The following OOSP3 variants were observed in gnomAD, a reference collection of about 807,000 sequenced individuals.
OOSP3 encodes oocyte secreted protein family member 3, also known as oocyte-secreted protein 3.
intron 2 of OOSP3, among the ~76,000 whole-genome samples, chr11:59,884,384 A>G (rs1853229524): frequency 1.3e-5 from 2 of 148,438 alleles, no homozygotes; most frequent in African/African-American, 5.0e-5. Context: ...CATGCTTATT[A>G]GTTGTAATAG....
chr11:59,895,767 G>T (rs1853350709), intron 4 of OOSP3, 115 bp downstream of exon 4: 1 of 396,714 alleles, frequency 2.5e-6, no homozygotes, highest in Non-Finnish European at 4.4e-6. Context: ...TGTTTAAATA[G>T]TGTTTAACTA....
intron 2 of OOSP3, among the ~76,000 whole-genome samples, chr11:59,884,588 C>T (rs1442081924): frequency 1.3e-5 from 2 of 151,958 alleles, no homozygotes; most frequent in Non-Finnish European, 2.9e-5. Context: ...CAACCTCCAC[C>T]TCCCAGGTTC....
intron 1 of OOSP3, among the ~76,000 whole-genome samples, chr11:59,879,896 A>G (rs1257827968): frequency 1.3e-5 from 2 of 152,200 alleles, no homozygotes; most frequent in Admixed American, 1.3e-4. Context: ...CCTATCAGTC[A>G]TTTACACTGG....
At chr11:59,881,244 A>G (rs1853198385) in intron 2 of OOSP3, among the ~76,000 whole-genome samples, 1 of 151,900 alleles carries the variant, frequency 6.6e-6, no homozygotes, top group South Asian at 2.1e-4. Flanking sequence ...GTGCCTGTCC[A>G]GTCCCAGCTG....
At chr11:59,881,860 G>T (rs2134524841) in intron 2 of OOSP3, among the ~76,000 whole-genome samples, 1 of 152,266 alleles carries the variant, frequency 6.6e-6, no homozygotes, top group South Asian at 2.1e-4. Context: ...AACAGAGCAA[G>T]ACTCCGTCTC....
intron 2 of OOSP3, among the ~76,000 whole-genome samples, chr11:59,885,297 C>G (rs373430479): frequency 2.0e-5 from 3 of 151,454 alleles, no homozygotes; most frequent in Admixed American, 6.6e-5. Context: ...GTTGGGGGGG[C>G]GCGTGGTTAG....
intron 1 of OOSP3, 63 bp from the exon 2 acceptor site, chr11:59,880,198 T>C: frequency 2.5e-6 from 1 of 397,734 alleles, no homozygotes; most frequent in Non-Finnish European, 4.4e-6. Context: ...GTTCAGACTT[T>C]CTCTGGGTGT....
At chr11:59,896,096 A>G in intron 4 of OOSP3, 37 bp from the exon 5 acceptor site, 1 of 398,264 alleles carries the variant, frequency 2.5e-6, no homozygotes, top group Non-Finnish European at 4.4e-6. Context: ...GTTACATTGG[A>G]AACTTTTTAT....
chr11:59,894,968 C>A (rs541611447), intron 3 of OOSP3, among the ~76,000 whole-genome samples: 1 of 152,272 alleles, frequency 6.6e-6, no homozygotes, highest in East Asian at 1.9e-4. Context: ...TAACTTCCCC[C>A]ACCCCCAATT....
intron 2 of OOSP3, among the ~76,000 whole-genome samples, chr11:59,885,073 T>TA (rs754091045): frequency 2.6e-5 from 4 of 152,214 alleles, no homozygotes; most frequent in South Asian, 2.1e-4. Context: ...GGAGAGTTTT[T>TA]ATCATAAATG....
In OOSP3 at chr11:59,895,656, A is replaced by G. The variant is rs373531290; in HGVS notation, c.501+4A>G. On this transcript the variant is annotated splice_donor_region_variant and intron_variant, in intron 4 of 4. Transcript: ENST00000646438. ...TCCATATTTTCAAAACTCCTCGGTG[A>G]GGATCCTTAGAAGAGACAAAACATG... 7.3e-5 allele frequency: 29 copies of G among 398,410 alleles called. No individual in the cohort carries two copies. Among genetic ancestry groups the G allele is most frequent in the Non-Finnish European group, 3.1e-5 (7 of 225,914 alleles). 24.7% of individuals were successfully genotyped at this position (398,410 alleles called of 1,614,324 possible).
chr11:59,890,639 G>A (rs1257214020), intron 2 of OOSP3, among the ~76,000 whole-genome samples: 1 of 152,196 alleles, frequency 6.6e-6, no homozygotes, highest in Non-Finnish European at 1.5e-5. Context: ...TTTCCACTGA[G>A]AGGCCTGCTA....
At chr11:59,892,241 A>G (rs1261102015) in intron 2 of OOSP3, among the ~76,000 whole-genome samples, 1 of 152,024 alleles carries the variant, frequency 6.6e-6, no homozygotes, top group Non-Finnish European at 1.5e-5. Context: ...GGGTAGCACA[A>G]TCTCTCACCG....
chr11:59,883,656 C>G (rs1304454042), intron 2 of OOSP3, among the ~76,000 whole-genome samples: 2 of 152,136 alleles, frequency 1.3e-5, no homozygotes, highest in African/African-American at 4.8e-5. Flanking sequence ...ATTTGTGAAA[C>G]AAAATATATG....
intron 3 of OOSP3, among the ~76,000 whole-genome samples, chr11:59,894,763 G>A (rs1251722772): frequency 6.6e-6 from 1 of 152,158 alleles, no homozygotes; most frequent in Non-Finnish European, 1.5e-5. Context: ...GAGCTCAGAG[G>A]TGATTGTCCC....
intron 2 of OOSP3, among the ~76,000 whole-genome samples, chr11:59,883,829 A>G (rs1215866459): frequency 6.6e-6 from 1 of 152,240 alleles, no homozygotes. Context: ...GTAACCTACA[A>G]AAGGTCATAC....
chr11:59,895,723 A>C, intron 4 of OOSP3, 71 bp downstream of exon 4: 1 of 397,852 alleles, frequency 2.5e-6, no homozygotes. Context: ...ATAAGGAAGT[A>C]AAAGCTCAAA....
intron 2 of OOSP3, among the ~76,000 whole-genome samples, chr11:59,883,000 A>G (rs1474608090): frequency 6.6e-6 from 1 of 152,006 alleles, no homozygotes; most frequent in East Asian, 1.9e-4. Context: ...ATTTTTTGTT[A>G]CTGCTGTACC....
intron 2 of OOSP3, among the ~76,000 whole-genome samples, chr11:59,887,605 G>A (rs1443297984): frequency 6.6e-6 from 1 of 152,176 alleles, no homozygotes; most frequent in African/African-American, 2.4e-5. Flanking sequence ...TCAGATGGTT[G>A]TAGATGTGCA....
Sources: gnomAD v4.1 joint callset for allele counts (sites outside exome capture counted in the v4.1 genomes callset) on GRCh38, gnomAD v4.1.1 for gene constraint, MANE v1.5 for transcripts, NCBI Gene and HGNC (gene_info 2026-07-23, HGNC 2026-07-21) for gene names.